The following PARD3 variants were observed in gnomAD, a reference collection of about 807,000 sequenced individuals.
The protein encoded by PARD3 is partitioning defective 3 homolog.
In PARD3, 75 loss-of-function variants were observed where a neutral mutation model predicts 155.4. The observed-to-expected ratio is 0.48, with a 90% CI of 0.40 to 0.58. The LOEUF is 0.58. Among genes scored for constraint, PARD3 ranks in the 20% least tolerant of loss-of-function variants. The pLI, the probability that PARD3 is intolerant of heterozygous loss-of-function variation, is 0.00. For missense variants in PARD3, 1,642 were observed against 1,721.7 expected (o/e 0.95, Z 0.82); for synonymous variants, 576 against 610.5 (o/e 0.94, Z 0.83).
intron 1 of PARD3, among the ~76,000 whole-genome samples, chr10:34,799,827 CA>C (rs144788568): frequency 2.4e-4 from 34 of 141,228 alleles, no homozygotes; most frequent in Middle Eastern, 3.7e-3. Flanking sequence ...CTCATCTCTA[CA>C]AAAAAAAAAA....
intron 2 of PARD3, among the ~76,000 whole-genome samples, chr10:34,605,606 C>A (rs865804501): frequency 6.4e-5 from 4 of 62,156 alleles, no homozygotes; most frequent in Non-Finnish European, 1.1e-4. Flanking sequence ...ATATATATAT[C>A]TCCTATATAT....
At chr10:34,514,147 A>G (rs763848075) in intron 3 of PARD3, among the ~76,000 whole-genome samples, 7 of 152,194 alleles carry the variant, frequency 4.6e-5, no homozygotes, top group African/African-American at 1.7e-4. Context: ...CATACTCTAT[A>G]TATTTTTCTC....
intron 22 of PARD3, among the ~76,000 whole-genome samples, chr10:34,175,931 C>T (rs907300574): frequency 1.3e-5 from 2 of 152,208 alleles, no homozygotes; most frequent in African/African-American, 4.8e-5. Flanking sequence ...CTCTTCCCTT[C>T]TTACTGAATT....
intron 3 of PARD3, among the ~76,000 whole-genome samples, chr10:34,511,740 T>A (rs960698504): frequency 1.3e-5 from 2 of 152,308 alleles, no homozygotes; most frequent in Admixed American, 1.3e-4. Context: ...TTTCTTTTTT[T>A]CTTTGTGACA....
chr10:34,450,557 C>T, intron 4 of PARD3, 109 bp from the exon 5 acceptor site: 1 of 1,024,958 alleles, frequency 9.8e-7, no homozygotes, highest in East Asian at 2.5e-5. Context: ...ATATTTAAAA[C>T]ATCTTTCCAA....
chr10:34,809,821 AAAAT>A lies in PARD3; in HGVS notation c.120+5051_120+5054del, dbSNP rs201277442. On this transcript the variant is annotated intron_variant, in intron 1 of 24. Transcript: ENST00000374788. The stretch of plus-strand genomic sequence containing the variant: ...TAGAGGGAAGGCAGAAAATGTTAAA[AAAAT>A]AAATAAATAAATAAAGCTGCTTTCA... Among the ~76,000 whole-genome samples the A allele has an allele frequency of 8.9e-3, 1,362 of 152,334 alleles. 10 individuals carry two copies. The highest frequency in any genetic ancestry group is 0.026 in the African/African-American group (1,071 of 41,570).
intron 22 of PARD3, among the ~76,000 whole-genome samples, chr10:34,213,231 A>G (rs1951839579): frequency 6.6e-6 from 1 of 152,306 alleles, no homozygotes; most frequent in African/African-American, 2.4e-5. Context: ...GTGTGTGCAA[A>G]GAGACCACAT....
chr10:34,354,653 A>C (rs1378722841), intron 14 of PARD3, among the ~76,000 whole-genome samples: 2 of 152,106 alleles, frequency 1.3e-5, no homozygotes, highest in African/African-American at 2.4e-5. Flanking sequence ...CTTTGCTAGG[A>C]TGAGGGGCAG....
At chr10:34,787,771 A>G (rs927929346) in intron 1 of PARD3, among the ~76,000 whole-genome samples, 2 of 148,018 alleles carry the variant, frequency 1.4e-5, no homozygotes, top group African/African-American at 5.0e-5. Context: ...GGCAACCAAC[A>G]TCCTTTTTTT....
intron 2 of PARD3, among the ~76,000 whole-genome samples, chr10:34,540,124 G>C (rs1335338928): frequency 6.6e-6 from 1 of 152,104 alleles, no homozygotes; most frequent in Admixed American, 6.5e-5. Context: ...CAGCTCTAAG[G>C]CTTCTTCATG....
intron 23 of PARD3, among the ~76,000 whole-genome samples, chr10:34,129,411 G>A (rs1277864136): frequency 6.6e-6 from 1 of 152,018 alleles, no homozygotes; most frequent in African/African-American, 2.4e-5. Context: ...CCTTGACCTC[G>A]CAAAGTGCTG....
At chr10:34,241,834 C>T (rs568880701) in intron 22 of PARD3, among the ~76,000 whole-genome samples, 2 of 152,194 alleles carry the variant, frequency 1.3e-5, no homozygotes, top group African/African-American at 2.4e-5. Context: ...TCTAAATAGG[C>T]GTCATCAGTA....
At chr10:34,339,201 A>T (rs1836527357) in intron 16 of PARD3, among the ~76,000 whole-genome samples, 1 of 152,146 alleles carries the variant, frequency 6.6e-6, no homozygotes, top group South Asian at 2.1e-4. Context: ...CATGCTAACC[A>T]ATTCTTTTTA....
intron 2 of PARD3, among the ~76,000 whole-genome samples, chr10:34,592,414 T>A (rs1467239736): frequency 6.6e-6 from 1 of 152,224 alleles, no homozygotes; most frequent in South Asian, 2.1e-4. Flanking sequence ...AATATTAGAA[T>A]GCATTCTATC....
rs1299078897 is a variant in PARD3 at position 34,226,718 on chromosome 10, C to G, written c.3419+42939G>C. 2.6e-5 allele frequency among the ~76,000 whole-genome samples: 4 copies of G among 152,260 alleles called. No individual in the cohort carries two copies. In the East Asian group the frequency reaches 5.8e-4, roughly 22 times the overall value. On this transcript the variant is annotated intron_variant, in intron 22 of 24. Transcript: ENST00000374788. ...AGCAAATAACTCTGCAATCTCACCC[C>G]TGGGAAATAAAACGTGTCCACAGAA...
intron 2 of PARD3, among the ~76,000 whole-genome samples, chr10:34,570,189 G>A (rs762493413): frequency 2.6e-5 from 4 of 152,172 alleles, no homozygotes; most frequent in Non-Finnish European, 4.4e-5. Context: ...CATTGTTGGA[G>A]TTATTTTTTC....
At chr10:34,512,842 T>C (rs1677968752) in intron 3 of PARD3, among the ~76,000 whole-genome samples, 1 of 152,134 alleles carries the variant, frequency 6.6e-6, no homozygotes, top group Admixed American at 6.6e-5. Flanking sequence ...AATGACAAAA[T>C]TAGAATATTA....
chr10:34,696,527 A>T, intron 1 of PARD3, 108 bp from the exon 2 acceptor site: 1 of 723,744 alleles, frequency 1.4e-6, no homozygotes, highest in Non-Finnish European at 2.4e-6. Flanking sequence ...AATCAACCTC[A>T]TATCAACAAT....
intron 1 of PARD3, among the ~76,000 whole-genome samples, chr10:34,779,093 T>C (rs983350069): frequency 1.3e-5 from 2 of 149,274 alleles, no homozygotes; most frequent in Non-Finnish European, 3.0e-5. Flanking sequence ...GGCGGATCAC[T>C]TGGGGTCAGG....
Sources: gnomAD v4.1 joint callset for allele counts (sites outside exome capture counted in the v4.1 genomes callset) on GRCh38, gnomAD v4.1.1 for gene constraint, MANE v1.5 for transcripts, NCBI Gene and HGNC (gene_info 2026-07-23, HGNC 2026-07-21) for gene names.